Variants in AGXT observed in about 807,000 individuals in gnomAD.
AGXT encodes alanine--glyoxylate aminotransferase.
Under a neutral mutation model 46.9 loss-of-function variants are expected in AGXT, and 41 were observed. The observed-to-expected ratio is 0.88, with a 90% CI of 0.68 to 1.14. The LOEUF is 1.14. Ranked by LOEUF, AGXT falls within the 50% of genes most tolerant of loss-of-function variation. The pLI, the probability that AGXT is intolerant of heterozygous loss-of-function variation, is 0.00. For synonymous variants in AGXT, 244 were observed against 227.9 expected (o/e 1.07, Z -0.64); for missense variants, 525 against 522.7 (o/e 1.00, Z -0.04).
chr2:240,877,782 A>G (rs1366041177), intron 9 of AGXT, 150 bp downstream of exon 9: 21 of 1,027,042 alleles, frequency 2.0e-5, no homozygotes, highest in Non-Finnish European at 3.0e-5. Flanking sequence ...TAGTCTCGGC[A>G]GGAGCCACGA....
rs1486834101 is a variant in AGXT, at chr2:240,868,881, C to A, written c.16C>A (p.Leu6Met). The change falls in exon 1 of 11, where the codon CTG becomes ATG. Residue 6 changes from leucine (L) to methionine (M), a missense_variant. Physicochemically the swap from Leu to Met is conservative, Grantham distance 15 (BLOSUM62 2). Coordinates refer to ENST00000307503, the MANE Select transcript of AGXT (RefSeq NM_000030.3). ...GGTGCGGACCATGGCCTCTCACAAG[C>A]TGCTGGTGACCCCCCCCAAGGCCCT... MASHKLLVTPPKALLK... is the reference protein window; with the variant it reads MASHKMLVTPPKALLK... The A allele has an allele frequency of 6.2e-7, 1 of 1,612,200 alleles. No individual in the cohort carries two copies. Among genetic ancestry groups the A allele is most frequent in the African/African-American group, 1.3e-5 (1 of 74,930 alleles).
chr2:240,874,646 G>A (rs1313657179), intron 6 of AGXT, among the ~76,000 whole-genome samples: 4 of 152,222 alleles, frequency 2.6e-5, no homozygotes, highest in African/African-American at 7.2e-5. Context: ...TGGACCACAC[G>A]GGAGGGTGAA....
Position 240,877,258 on chromosome 2 carries a change from C to T in AGXT, c.847-279C>T, listed in dbSNP as rs548806917. On this transcript the variant is annotated intron_variant, in intron 8 of 10. Coordinates refer to ENST00000307503, the MANE Select transcript of AGXT (RefSeq NM_000030.3). The stretch of plus-strand genomic sequence containing the variant: ...GCCCTTCCCCTCCTTGCCCAGTCCC[C>T]TCCCCCTGCAAGGCACTCTCCACTC... 170 of 628,036 alleles carry T rather than the reference C, an allele frequency of 2.7e-4. No individual in the cohort carries two copies. In the African/African-American group the frequency reaches 2.8e-3, roughly 10 times the overall value. 38.9% of individuals were successfully genotyped at this position (628,036 alleles called of 1,614,324 possible). A position where few individuals can be genotyped will look rare whatever the true frequency, so the allele number is the denominator to read the frequency against.
intron 10 of AGXT, 127 bp from the exon 11 acceptor site, chr2:240,878,587 T>A: frequency 1.1e-6 from 1 of 880,790 alleles, no homozygotes; most frequent in Non-Finnish European, 1.8e-6. Flanking sequence ...GGCTGTCAAC[T>A]CCCCTCATGG....
At chr2:240,869,840 C>G (rs1373012562) in intron 2 of AGXT, among the ~76,000 whole-genome samples, 1 of 152,168 alleles carries the variant, frequency 6.6e-6, no homozygotes, top group Non-Finnish European at 1.5e-5. Flanking sequence ...GTACACTTTT[C>G]TGGGAGAGAC....
chr2:240,869,437 C>G, intron 2 of AGXT, 75 bp downstream of exon 2: 1 of 1,477,932 alleles, frequency 6.8e-7, no homozygotes, highest in South Asian at 1.4e-5. Context: ...CTGTTTGAAG[C>G]TGGCAGCCCC....
At position 240,870,557 on chromosome 2, in the gene AGXT, G is replaced by T; in HGVS notation, c.359-87G>T. 2.0e-6 allele frequency: 3 copies of T among 1,485,582 alleles called. 1 individual carries two copies. The highest frequency in any genetic ancestry group is 4.6e-4 in the Middle Eastern group (2 of 4,336). The allele number at this position is 1,485,582 out of a possible 1,614,324, so 92.0% of individuals were successfully genotyped here. ...GGTGGGTGGGGTCCAGCCCTCACAG[G>T]GCCCTGCTCAGCAGGGCCACGGGTG... On this transcript the variant is annotated intron_variant, in intron 2 of 10. Coordinates refer to ENST00000307503, the MANE Select transcript of AGXT (RefSeq NM_000030.3).
At position 240,868,987 on chromosome 2, in the gene AGXT, G is replaced by T. The variant is rs180177168; in HGVS notation, c.122G>T (p.Gly41Val). 2.5e-6 allele frequency: 4 copies of T among 1,612,874 alleles called. No homozygotes were observed. The highest frequency in any genetic ancestry group is 3.4e-6 in the Non-Finnish European group (4 of 1,180,032). Reference protein sequence around the residue: ...SNLPPRIMAAGGLQMIGSMSK... With the variant: ...SNLPPRIMAAVGLQMIGSMSK... ...CTGCCTCCTCGCATCATGGCAGCCG[G>T]GGGGCTGCAGATGATCGGGTCCATG... The change falls in exon 1 of 11, where the codon GGG becomes GTG. Residue 41 changes from glycine (G) to valine (V), a missense_variant. Gly to Val is a moderately radical substitution (Grantham distance 109, BLOSUM62 -3). Coordinates refer to ENST00000307503, the MANE Select transcript of AGXT (RefSeq NM_000030.3).
intron 8 of AGXT, chr2:240,877,233 G>A (rs527578186): frequency 3.5e-6 from 2 of 572,692 alleles, no homozygotes; most frequent in Non-Finnish European, 6.6e-6. Flanking sequence ...TAGCCCAACA[G>A]CCCTTCCCCT....
At chr2:240,870,994 G>C (rs1159114175) in intron 3 of AGXT, among the ~76,000 whole-genome samples, 1 of 152,118 alleles carries the variant, frequency 6.6e-6, no homozygotes, top group South Asian at 2.1e-4. Flanking sequence ...GGCCGAGTTG[G>C]AGTCTAGGCT....
At position 240,872,991 on chromosome 2, in the gene AGXT, G is replaced by T. The variant is rs565927450; in HGVS notation, c.537G>T (p.Leu179=). ...CCCACCTCTCCAGGTACAAGTGCCTGCTCCTGGTGGATTCGGTGGCATCCC... is the reference window on the plus strand; with the variant it reads ...CCCACCTCTCCAGGTACAAGTGCCTTCTCCTGGTGGATTCGGTGGCATCCC... The part of the protein sequence containing the change: ...FGELCHRYKC[L]LLVDSVASLG... Residue 179 remains leucine, a synonymous_variant, in exon 5 of 11, where the codon CTG becomes CTT. Coordinates refer to ENST00000307503, the MANE Select transcript of AGXT (RefSeq NM_000030.3). 1 of 1,613,960 alleles carries T rather than the reference G, an allele frequency of 6.2e-7. No individual in the cohort carries two copies. The highest frequency in any genetic ancestry group is 8.5e-7 in the Non-Finnish European group (1 of 1,179,930).
Position 240,878,812 on chromosome 2 carries a change from GAA to G in AGXT, c.1171_1172del (p.Lys391AlafsTer21). Reference protein sequence around the residue: ...RAALQHCPKKKL With the variant: ...RAALQHCPKKXL ...CGGCCCTGCAGCACTGCCCCAAGAAGAAGCTGTGACCTGCCCACTGGCACACA... is the reference window on the plus strand; with the variant it reads ...CGGCCCTGCAGCACTGCCCCAAGAAGGCTGTGACCTGCCCACTGGCACACA... On this transcript the variant is annotated frameshift_variant, in exon 11 of 11. Transcript: ENST00000307503. LOFTEE classifies it high-confidence loss of function. 6.3e-7 allele frequency: 1 copy of G among 1,592,092 alleles called. No homozygotes were observed. The highest frequency in any genetic ancestry group is 8.5e-7 in the Non-Finnish European group (1 of 1,172,314).
At position 240,880,155 on chromosome 2, in the gene AGXT, G is replaced by A. The variant is rs2059051040; in HGVS notation, c.*1334G>A. ...TTTTCTTGGATAAATAACTAGGAGT[G>A]GAATTGCAGGGTCATACAATAGGCT... On this transcript the variant is annotated 3_prime_UTR_variant, in exon 11 of 11. Transcript: ENST00000307503. 1 of 152,180 alleles carries A rather than the reference G, an allele frequency of 6.6e-6. No individual in the cohort carries two copies. Among genetic ancestry groups the A allele is most frequent in the African/African-American group, 2.4e-5 (1 of 41,432 alleles). The allele number at this position is 152,180 out of a possible 1,614,324, so 9.4% of individuals were successfully genotyped here.
At chr2:240,874,631 C>A (rs1352095137) in intron 6 of AGXT, among the ~76,000 whole-genome samples, 1 of 152,182 alleles carries the variant, frequency 6.6e-6, no homozygotes, top group Non-Finnish European at 1.5e-5. Context: ...GTCTGAGATG[C>A]CAGCTGGACC....
intron 3 of AGXT, 28 bp from the exon 4 acceptor site, chr2:240,871,321 C>T (rs781107643): frequency 8.4e-6 from 13 of 1,551,222 alleles, no homozygotes; most frequent in Non-Finnish European, 1.1e-5. Context: ...CCTCTGAGCT[C>T]CACCCACAGC....
Position 240,871,395 on chromosome 2 carries a change from A to C in AGXT, c.470A>C (p.Glu157Ala). The C allele has an allele frequency of 1.2e-6, 2 of 1,601,210 alleles. No homozygotes were observed. Among genetic ancestry groups the C allele is most frequent in the Non-Finnish European group, 1.7e-6 (2 of 1,174,662 alleles). Residue 157 changes from glutamate to alanine, a missense_variant, in exon 4 of 11, where the codon GAG becomes GCG. By Grantham distance (107) the Glu-to-Ala change is moderately radical (BLOSUM62 -1). Coordinates refer to ENST00000307503, the MANE Select transcript of AGXT (RefSeq NM_000030.3). ...GTGCTGCTGTTCTTAACCCACGGGG[A>C]GTCGTCCACCGGCGTGCTGCAGCCC... The part of the protein sequence containing the change: ...KPVLLFLTHG[E>A]SSTGVLQPLD...
Position 240,877,894 on chromosome 2 carries a change from C to G in AGXT, c.943-128C>G, listed in dbSNP as rs559106528. On this transcript the variant is annotated intron_variant, in intron 9 of 10. Coordinates refer to ENST00000307503, the MANE Select transcript of AGXT (RefSeq NM_000030.3). Reference sequence around the variant, plus strand: ...CCTCCTAAGGGGTGGGGTCCCTGCTCTCTCCCGGCCCTTTCTCCCCCGGCT... The same window carrying G: ...CCTCCTAAGGGGTGGGGTCCCTGCTGTCTCCCGGCCCTTTCTCCCCCGGCT... The G allele has an allele frequency of 2.5e-4, 342 of 1,352,648 alleles. No individual in the cohort carries two copies. The East Asian group carries it at 3.2e-3, about 13-fold the overall frequency. 83.8% of individuals were successfully genotyped at this position (1,352,648 alleles called of 1,614,324 possible). A position where few individuals can be genotyped will look rare whatever the true frequency, so the allele number is the denominator to read the frequency against.
chr2:240,877,880 G>T (rs898273853), intron 9 of AGXT, 142 bp from the exon 10 acceptor site: 21 of 1,210,948 alleles, frequency 1.7e-5, no homozygotes, highest in Middle Eastern at 5.6e-4. Context: ...CTCCTAAGGG[G>T]TGGGGTCCCT....
chr2:240,876,395 T>G lies in AGXT; in HGVS notation c.846+391T>G, dbSNP rs545717937. On this transcript the variant is annotated intron_variant, in intron 8 of 10. Coordinates refer to ENST00000307503, the MANE Select transcript of AGXT (RefSeq NM_000030.3). ...TTCCTGCAGGCTTGTCCAGCTCCTA[T>G]GGCAGGGCAAGAGCTGAGCATGAGC... Among the ~76,000 whole-genome samples the G allele has an allele frequency of 3.9e-5, 6 of 152,308 alleles. 1 individual carries two copies. The South Asian group carries it at 1.2e-3, about 32-fold the overall frequency.
Sources: allele counts gnomAD v4.1 joint callset (sites outside exome capture counted in the v4.1 genomes callset), GRCh38; gene constraint gnomAD v4.1.1; transcripts MANE v1.5; gene names NCBI Gene and HGNC (gene_info 2026-07-23, HGNC 2026-07-21).